TOP2B: variants seen among roughly 807,000 people sequenced by gnomAD.
The protein encoded by TOP2B is DNA topoisomerase 2-beta.
TOP2B carries 51 observed loss-of-function variants against 193.5 expected under a neutral mutation model. The ratio of observed to expected loss-of-function variants is 0.26; its 90% CI spans 0.21 to 0.33. The LOEUF (loss-of-function observed/expected upper bound fraction) is 0.33, where lower values mean the gene tolerates loss of function less well. Ranked by LOEUF, TOP2B falls within the 10% of genes least tolerant of loss-of-function variation. The pLI, the probability that TOP2B is intolerant of heterozygous loss-of-function variation, is 1.00. For missense variants in TOP2B, 1,378 were observed against 1,909.3 expected (o/e 0.72, Z 5.19); for synonymous variants, 634 against 635.7 (o/e 1.00, Z 0.04).
chr3:25,601,160 C>A lies in TOP2B; in HGVS notation c.4555G>T (p.Ala1519Ser). 2 of 1,613,782 alleles carry A rather than the reference C, an allele frequency of 1.2e-6. No homozygotes were observed. Among genetic ancestry groups the A allele is most frequent in the South Asian group, 2.2e-5 (2 of 91,064 alleles). Residue 1519 changes from alanine to serine, a missense_variant, in exon 34 of 36, where the codon GCT becomes TCT. Physicochemically the swap from Ala to Ser is moderately conservative, Grantham distance 99. Transcript: ENST00000264331. Reference protein sequence around the residue: ...RAPKQKKVVEAVNSDSDSEFG... With the variant: ...RAPKQKKVVESVNSDSDSEFG... The stretch of plus-strand genomic sequence containing the variant: ...TCTGAATCCGAGTCAGAGTTTACAG[C>A]CTCTACTACTTTCTTCTGTTTTGGG...
intron 9 of TOP2B, 45 bp from the exon 10 acceptor site, chr3:25,632,628 T>C (rs1702993591): frequency 6.2e-7 from 1 of 1,601,118 alleles, no homozygotes; most frequent in Non-Finnish European, 8.5e-7. Flanking sequence ...AGCTGATATT[T>C]AGTAATTCAG....
chr3:25,655,181 C>T (rs748665684), intron 1 of TOP2B, among the ~76,000 whole-genome samples: 3 of 152,114 alleles, frequency 2.0e-5, no homozygotes, highest in Non-Finnish European at 4.4e-5. Flanking sequence ...AGATAAGGAG[C>T]TTCTATAACT....
At chr3:25,613,151 G>C (rs895328205) in intron 27 of TOP2B, among the ~76,000 whole-genome samples, 1 of 152,078 alleles carries the variant, frequency 6.6e-6, no homozygotes, top group South Asian at 2.1e-4. Flanking sequence ...GTAAATTAAA[G>C]TCAGAAAGTA....
chr3:25,601,261 C>G, intron 33 of TOP2B, 36 bp from the exon 34 acceptor site: 2 of 1,591,954 alleles, frequency 1.3e-6, no homozygotes, highest in East Asian at 2.2e-5. Context: ...GGTCAATATA[C>G]TTACCAACAA....
At chr3:25,631,280 CAA>C (rs1256685394) in intron 10 of TOP2B, among the ~76,000 whole-genome samples, 1 of 152,032 alleles carries the variant, frequency 6.6e-6, no homozygotes, top group Non-Finnish European at 1.5e-5. Flanking sequence ...TACTAGCCGG[CAA>C]ATTCCAGACG....
chr3:25,640,752 C>CTTTT (rs372465937), intron 4 of TOP2B, among the ~76,000 whole-genome samples: 21 of 106,986 alleles, frequency 2.0e-4, no homozygotes, highest in African/African-American at 2.3e-4. Flanking sequence ...TCTTCGTTGT[C>CTTTT]TTTTTTTTTT....
chr3:25,620,189 A>G, intron 22 of TOP2B, 127 bp from the exon 23 acceptor site: 2 of 642,918 alleles, frequency 3.1e-6, no homozygotes, highest in East Asian at 5.5e-5. Context: ...AATCTCTATC[A>G]TCTCCTATCC....
chr3:25,664,885 G>C lies in TOP2B; in HGVS notation c.-588C>G. The stretch of plus-strand genomic sequence containing the variant: ...CCGCCGCCACGGTCACCTCCCTCTT[G>C]TCCGGCATAACACCGCACACACACA... On this transcript the variant is annotated 5_prime_UTR_variant, in exon 1 of 36. Transcript: ENST00000264331. 1.0e-6 allele frequency: 1 copy of C among 991,488 alleles called. No homozygotes were observed. The highest frequency in any genetic ancestry group is 1.2e-6 in the Non-Finnish European group (1 of 833,322). 61.4% of individuals were successfully genotyped at this position (991,488 alleles called of 1,614,324 possible).
chr3:25,630,272 G>C (rs934431209), intron 12 of TOP2B, 40 bp downstream of exon 12: 3 of 1,533,804 alleles, frequency 2.0e-6, no homozygotes, highest in Non-Finnish European at 2.6e-6. Flanking sequence ...ATGTATGTGT[G>C]CATGTGTGTA....
intron 35 of TOP2B, 104 bp from the exon 36 acceptor site, chr3:25,598,581 A>C: frequency 1.2e-6 from 1 of 822,734 alleles, no homozygotes; most frequent in Non-Finnish European, 1.7e-6. Context: ...AGTATTACAA[A>C]TAATGGTGCT....
At chr3:25,601,885 T>A (rs1013547189) in intron 33 of TOP2B, among the ~76,000 whole-genome samples, 1 of 152,112 alleles carries the variant, frequency 6.6e-6, no homozygotes, top group Non-Finnish European at 1.5e-5. Flanking sequence ...GTCCTAACTT[T>A]TAGAATGTTT....
At chr3:25,640,387 G>A (rs1703223177) in intron 4 of TOP2B, among the ~76,000 whole-genome samples, 1 of 151,946 alleles carries the variant, frequency 6.6e-6, no homozygotes. Context: ...GAAAGGAGGG[G>A]TGAAAAAATA....
At chr3:25,656,096 G>A (rs1031102294) in intron 1 of TOP2B, among the ~76,000 whole-genome samples, 2 of 152,050 alleles carry the variant, frequency 1.3e-5, no homozygotes, top group African/African-American at 2.4e-5. Flanking sequence ...ATTTTCTCTA[G>A]GAAGAACATA....
At chr3:25,652,336 T>A (rs914529163) in intron 1 of TOP2B, among the ~76,000 whole-genome samples, 1 of 152,280 alleles carries the variant, frequency 6.6e-6, no homozygotes, top group South Asian at 2.1e-4. Context: ...CTAACAGACA[T>A]ACTCAGAACA....
At chr3:25,598,528 G>T in intron 35 of TOP2B, 51 bp from the exon 36 acceptor site, 1 of 1,413,436 alleles carries the variant, frequency 7.1e-7, no homozygotes, top group Non-Finnish European at 9.4e-7. Flanking sequence ...GTAAAGACTA[G>T]TATTAAGAAC....
At chr3:25,627,339 T>C (rs1214683779) in intron 15 of TOP2B, 43 bp from the exon 16 acceptor site, 5 of 1,328,486 alleles carry the variant, frequency 3.8e-6, no homozygotes, top group Non-Finnish European at 5.2e-6. Flanking sequence ...AATATCAATG[T>C]CTGTTTAAAA....
intron 1 of TOP2B, among the ~76,000 whole-genome samples, chr3:25,655,538 T>G (rs761552381): frequency 9.9e-5 from 15 of 152,168 alleles, no homozygotes; most frequent in Non-Finnish European, 1.6e-4. Context: ...TGGGTATATA[T>G]CCAAAAGAAT....
intron 27 of TOP2B, 98 bp downstream of exon 27, chr3:25,615,106 TC>T: frequency 9.6e-7 from 1 of 1,038,278 alleles, no homozygotes; most frequent in South Asian, 1.7e-5. Flanking sequence ...ATATTAACCT[TC>T]ACAGAGTTAA....
At position 25,635,925 on chromosome 3, in the gene TOP2B, A is replaced by G; in HGVS notation, c.852+11T>C. 6.2e-7 allele frequency: 1 copy of G among 1,609,000 alleles called. No individual in the cohort carries two copies. The highest frequency in any genetic ancestry group is 1.3e-5 in the African/African-American group (1 of 74,868). On this transcript the variant is annotated intron_variant, in intron 7 of 35. Transcript: ENST00000264331. ...TAACATAGTATTAAAACTATTTTAC[A>G]GGACACTTACAGGCAATTTCTTTCC... is the stretch of plus-strand genomic sequence containing the variant.
Sources: allele counts gnomAD v4.1 joint callset (sites outside exome capture counted in the v4.1 genomes callset), GRCh38; gene constraint gnomAD v4.1.1; transcripts MANE v1.5; gene names NCBI Gene and HGNC (gene_info 2026-07-23, HGNC 2026-07-21).